PLEKHM1: variants seen among roughly 807,000 people sequenced by gnomAD.
PLEKHM1 encodes pleckstrin homology and RUN domain containing M1.
Under a neutral mutation model 94.3 loss-of-function variants are expected in PLEKHM1, and 28 were observed. That is an observed-to-expected ratio of 0.30 (90% confidence interval 0.22 to 0.41). The LOEUF is 0.41. Among genes scored for constraint, PLEKHM1 ranks in the 10% least tolerant of loss-of-function variants. The pLI, the probability that PLEKHM1 is intolerant of heterozygous loss-of-function variation, is 1.00. For synonymous variants in PLEKHM1, 424 were observed against 581.2 expected (o/e 0.73, Z 3.89); for missense variants, 907 against 1,358.6 (o/e 0.67, Z 5.22).
intron 4 of PLEKHM1, 81 bp downstream of exon 4, chr17:45,475,019 T>A (rs574395714): frequency 1.4e-6 from 2 of 1,450,016 alleles, no homozygotes; most frequent in Non-Finnish European, 9.6e-7. Context: ...GACAATCACA[T>A]GCTATGGGAA....
intron 9 of PLEKHM1, 101 bp from the exon 10 acceptor site, chr17:45,440,327 AC>A (rs554496049): frequency 1.1e-5 from 13 of 1,202,328 alleles, no homozygotes; most frequent in Non-Finnish European, 1.3e-5. Flanking sequence ...CCAGGCAGAC[AC>A]CCCCCGCCTG....
chr17:45,477,039 C>T (rs930009884), intron 3 of PLEKHM1: 2 of 152,228 alleles, frequency 1.3e-5, no homozygotes, highest in Non-Finnish European at 2.9e-5. Flanking sequence ...GACAAGGCTT[C>T]TTTTGGGCTG....
Position 45,473,703 on chromosome 17 carries a change from C to A in PLEKHM1, c.923+1397G>T, listed in dbSNP as rs543177548. ...CCTCCTGAGTAGCTGGGACTTCAGGCGCCCGCCACCACGCCCGGCTAATTT... is the reference window on the plus strand; with the variant it reads ...CCTCCTGAGTAGCTGGGACTTCAGGAGCCCGCCACCACGCCCGGCTAATTT... On this transcript the variant is annotated intron_variant, in intron 4 of 11. Coordinates refer to ENST00000430334, the MANE Select transcript of PLEKHM1 (RefSeq NM_014798.3). 1.6e-4 allele frequency among the ~76,000 whole-genome samples: 24 copies of A among 151,904 alleles called. No individual in the cohort carries two copies. The South Asian group carries it at 4.8e-3, about 30-fold the overall frequency.
intron 8 of PLEKHM1, among the ~76,000 whole-genome samples, chr17:45,446,684 T>C (rs1423226614): frequency 6.6e-6 from 1 of 152,250 alleles, no homozygotes; most frequent in Non-Finnish European, 1.5e-5. Context: ...TAAGTGATTA[T>C]CTTTTAAAAT....
chr17:45,484,268 T>A (rs2145357301), intron 1 of PLEKHM1, among the ~76,000 whole-genome samples: 1 of 152,328 alleles, frequency 6.6e-6, no homozygotes, highest in Admixed American at 6.5e-5. Flanking sequence ...GAGATTCCCT[T>A]CCCTTTCTAG....
In PLEKHM1 at chr17:45,458,456, C is replaced by A. The variant is rs757732745; in HGVS notation, c.1309-17G>T. ...CTTGTTTTTCTGTTGGGAAAGAAGACAACAGTTGTTTGTTTTAAAGTTTTT... is the reference window on the plus strand; with the variant it reads ...CTTGTTTTTCTGTTGGGAAAGAAGAAAACAGTTGTTTGTTTTAAAGTTTTT... On this transcript the variant is annotated splice_polypyrimidine_tract_variant and intron_variant, in intron 5 of 11. Transcript: ENST00000430334. The A allele has an allele frequency of 2.6e-5, 41 of 1,604,844 alleles. No individual in the cohort carries two copies. Among genetic ancestry groups the A allele is most frequent in the Non-Finnish European group, 3.4e-5 (40 of 1,171,808 alleles).
At chr17:45,479,576 C>T (rs897080099) in intron 2 of PLEKHM1, among the ~76,000 whole-genome samples, 7 of 150,562 alleles carry the variant, frequency 4.6e-5, no homozygotes, top group African/African-American at 1.7e-4. Context: ...ATCCCAGCTA[C>T]TTAGGAGGCT....
At chr17:45,470,317 C>T (rs1348208959) in intron 4 of PLEKHM1, among the ~76,000 whole-genome samples, 7 of 152,198 alleles carry the variant, frequency 4.6e-5, no homozygotes, top group African/African-American at 1.7e-4. Context: ...TTGGATTAGG[C>T]AATGGTTTCT....
chr17:45,487,225 C>A (rs1447192820), intron 1 of PLEKHM1, among the ~76,000 whole-genome samples: 1 of 152,178 alleles, frequency 6.6e-6, no homozygotes, highest in African/African-American at 2.4e-5. Context: ...GTGCAGAAAG[C>A]AAGCTTCTCT....
chr17:45,449,581 C>T (rs56292203), intron 8 of PLEKHM1, among the ~76,000 whole-genome samples: 8,821 of 151,940 alleles, frequency 0.058, 856 homozygotes, highest in African/African-American at 0.2. Context: ...CAACCACCTA[C>T]CCATCCATCC....
Position 45,489,589 on chromosome 17 carries a change from GCA to G in PLEKHM1, c.-42+1061_-42+1062del, listed in dbSNP as rs1319320440. Among the ~76,000 whole-genome samples, 4 of 152,262 alleles carry G rather than the reference GCA, an allele frequency of 2.6e-5. No individual in the cohort carries two copies. In the East Asian group the frequency reaches 7.7e-4, roughly 29 times the overall value. ...AAAAACACAATCCCTGAGGACAGGT[GCA>G]GGAGACCAGATGCCAGGAAAAACCC... On this transcript the variant is annotated intron_variant, in intron 1 of 11. Coordinates refer to ENST00000430334, the MANE Select transcript of PLEKHM1 (RefSeq NM_014798.3).
chr17:45,467,714 T>C (rs2051360294), intron 5 of PLEKHM1, among the ~76,000 whole-genome samples: 1 of 152,002 alleles, frequency 6.6e-6, no homozygotes, highest in African/African-American at 2.4e-5. Context: ...TGAGCAGAGA[T>C]TGTGCCACTG....
chr17:45,439,716 A>T (rs1304414141), intron 10 of PLEKHM1, 82 bp from the exon 11 acceptor site: 2 of 1,569,766 alleles, frequency 1.3e-6, no homozygotes, highest in Non-Finnish European at 1.7e-6. Context: ...CAGGCCTTTC[A>T]AGCAGCTGCA....
At chr17:45,461,896 C>T (rs1438224253) in intron 5 of PLEKHM1, among the ~76,000 whole-genome samples, 3 of 152,170 alleles carry the variant, frequency 2.0e-5, no homozygotes, top group Admixed American at 6.5e-5. Flanking sequence ...CAAGTCCTCC[C>T]TGGCATTCTG....
chr17:45,439,488 G>A lies in PLEKHM1; in HGVS notation c.3048C>T (p.Asp1016=). 1.2e-6 allele frequency: 2 copies of A among 1,614,220 alleles called. No individual in the cohort carries two copies. Among genetic ancestry groups the A allele is most frequent in the Non-Finnish European group, 1.7e-6 (2 of 1,180,040 alleles). The change falls in exon 11 of 12, where the codon GAC becomes GAT. Residue 1016 remains aspartate, a synonymous_variant. Transcript: ENST00000430334. The part of the protein sequence containing the change: ...HHDIIFPFEF[D]TTVRCAECKT... ...GGTGTCCCGCATACCTGACTGTGGT[G>A]TCAAACTCAAAGGGGAAGATGATGT... is the stretch of plus-strand genomic sequence containing the variant.
Position 45,458,153 on chromosome 17 carries a change from C to T in PLEKHM1, c.1579+16G>A. 1 of 1,612,050 alleles carries T rather than the reference C, an allele frequency of 6.2e-7. No individual in the cohort carries two copies. ...CCTGCAGATGGGACCCACCCGGGAC[C>T]CTCCTGGTAACCTACCCATCTGTCT... On this transcript the variant is annotated intron_variant, in intron 6 of 11. Transcript: ENST00000430334.
chr17:45,482,575 G>C (rs1422030259), intron 1 of PLEKHM1, 50 bp from the exon 2 acceptor site: 2 of 1,009,428 alleles, frequency 2.0e-6, no homozygotes, highest in African/African-American at 3.2e-5. Context: ...CTTTCCCCCA[G>C]CCAGAGTCCA....
At chr17:45,458,681 G>T (rs1030047339) in intron 5 of PLEKHM1, among the ~76,000 whole-genome samples, 26 of 151,914 alleles carry the variant, frequency 1.7e-4, no homozygotes, top group Admixed American at 3.3e-4. Context: ...ATGTTGGCCA[G>T]GCTGGTCTAG....
In PLEKHM1 at chr17:45,437,544, G is replaced by T. The variant is rs1309788665; in HGVS notation, c.*314C>A. The T allele has an allele frequency of 1.6e-6, 1 of 606,152 alleles. No homozygotes were observed. The allele number at this position is 606,152 out of a possible 1,614,324, so 37.5% of individuals were successfully genotyped here. A position where few individuals can be genotyped will look rare whatever the true frequency, so the allele number is the denominator to read the frequency against. On this transcript the variant is annotated 3_prime_UTR_variant, in exon 12 of 12. Coordinates refer to ENST00000430334, the MANE Select transcript of PLEKHM1 (RefSeq NM_014798.3). The surrounding 1 kb of genome is among the most constrained non-coding windows in gnomAD (Gnocchi z 4.0). Reference sequence around the variant, plus strand: ...CCAAGTCCCCTTTCCACAGTGTTTGGGCAGCCCTAACGGAGGCGCCGGGAC... The same window carrying T: ...CCAAGTCCCCTTTCCACAGTGTTTGTGCAGCCCTAACGGAGGCGCCGGGAC...
Sources: gnomAD v4.1 joint callset for allele counts (sites outside exome capture counted in the v4.1 genomes callset) on GRCh38, gnomAD v4.1.1 for gene constraint, Gnocchi (gnomAD v3.1) non-coding constraint, MANE v1.5 for transcripts, NCBI Gene and HGNC (gene_info 2026-07-23, HGNC 2026-07-21) for gene names.